The following ZNF423 variants were observed in gnomAD, a reference collection of about 807,000 sequenced individuals.
ZNF423 encodes zinc finger protein 423, also known as Ebf-associated zinc finger protein.
In ZNF423, 12 loss-of-function variants were observed where a neutral mutation model predicts 95.8. That is an observed-to-expected ratio of 0.13 (90% CI 0.08 to 0.20). The LOEUF is 0.20. Among genes scored for constraint, ZNF423 ranks in the 10% least tolerant of loss-of-function variants. The probability of loss-of-function intolerance (pLI) is 1.00; values close to 1 mark genes in which losing one functional copy is unlikely to be tolerated. For synonymous variants in ZNF423, 749 were observed against 711.9 expected, an observed-to-expected ratio of 1.05 and a Z score of -0.83; for missense variants, 1,316 against 1,737.1, an observed-to-expected ratio of 0.76 and a Z score of 4.31.
chr16:49,745,358 A>C (rs1204819786), intron 2 of ZNF423, among the ~76,000 whole-genome samples: 2 of 152,240 alleles, frequency 1.3e-5, no homozygotes, highest in African/African-American at 4.8e-5. Context: ...AAGTAATTAC[A>C]GAAATGCATT....
rs192741359 is a variant in ZNF423, at chr16:49,685,864, C to T, written c.301+44907G>A. Reference sequence around the variant, plus strand: ...CCCCACCTGGTCCCACCCGTACACACGCTCTGCTGGCTCACCACGCTCCCC... The same window carrying T: ...CCCCACCTGGTCCCACCCGTACACATGCTCTGCTGGCTCACCACGCTCCCC... On this transcript the variant is annotated intron_variant, in intron 3 of 7. Coordinates refer to ENST00000563137, the MANE Select transcript of ZNF423 (RefSeq NM_001379286.1). 9.2e-5 allele frequency among the ~76,000 whole-genome samples: 14 copies of T among 152,310 alleles called. No homozygotes were observed. The East Asian group carries it at 2.3e-3, about 25-fold the overall frequency.
intron 1 of ZNF423, among the ~76,000 whole-genome samples, chr16:49,842,735 G>A (rs929181935): frequency 6.6e-6 from 1 of 152,124 alleles, no homozygotes; most frequent in African/African-American, 2.4e-5. Context: ...CAGCACTTTG[G>A]GAGCCCAAGG....
At position 49,835,977 on chromosome 16, in the gene ZNF423, GAGAGGCCC is replaced by G. The variant is rs559238718; in HGVS notation, c.40+19750_40+19757del. Among the ~76,000 whole-genome samples, 12 of 152,306 alleles carry G rather than the reference GAGAGGCCC, an allele frequency of 7.9e-5. No individual in the cohort carries two copies. In the South Asian group the frequency reaches 1.4e-3, roughly 18 times the overall value. On this transcript the variant is annotated intron_variant, in intron 1 of 7. Coordinates refer to ENST00000563137, the MANE Select transcript of ZNF423 (RefSeq NM_001379286.1). Reference sequence around the variant, plus strand: ...AAGGAGCAGTTTGGGTGGAGACAGAGAGAGGCCCAGAGGACAGGGCCCTGTTTTGAATC... The same window carrying G: ...AAGGAGCAGTTTGGGTGGAGACAGAGAGAGGACAGGGCCCTGTTTTGAATC...
chr16:49,566,296 G>C (rs1371776837), intron 5 of ZNF423, among the ~76,000 whole-genome samples: 1 of 152,156 alleles, frequency 6.6e-6, no homozygotes, highest in African/African-American at 2.4e-5. Context: ...CTCCCAACCT[G>C]GCTCACTGGT....
intron 2 of ZNF423, among the ~76,000 whole-genome samples, chr16:49,777,490 C>T (rs2034140901): frequency 6.6e-6 from 1 of 152,194 alleles, no homozygotes; most frequent in African/African-American, 2.4e-5. Flanking sequence ...TTACACATCA[C>T]CACCAAAGAG....
At chr16:49,606,841 C>T (rs1461489034) in intron 5 of ZNF423, among the ~76,000 whole-genome samples, 1 of 152,088 alleles carries the variant, frequency 6.6e-6, no homozygotes, top group Middle Eastern at 3.2e-3. Flanking sequence ...ACAAGGCCTC[C>T]CAAGTCTCCG....
chr16:49,521,265 C>T (rs974073911), intron 7 of ZNF423, among the ~76,000 whole-genome samples: 2 of 152,188 alleles, frequency 1.3e-5, no homozygotes, highest in Non-Finnish European at 2.9e-5. Flanking sequence ...GCGAGCCAGG[C>T]AGGAGCTGAG....
intron 7 of ZNF423, among the ~76,000 whole-genome samples, chr16:49,499,718 T>C (rs2241256): frequency 0.44 from 66,772 of 151,978 alleles, 15,590 homozygotes; most frequent in African/African-American, 0.6. Flanking sequence ...ATCAGTTCCA[T>C]GAGCAGGAAA....
At chr16:49,812,089 G>C (rs76007705) in intron 1 of ZNF423, among the ~76,000 whole-genome samples, 30 of 152,346 alleles carry the variant, frequency 2.0e-4, no homozygotes, top group Non-Finnish European at 3.5e-4. Flanking sequence ...CACACACAGA[G>C]CACTTGTGTC....
intron 2 of ZNF423, among the ~76,000 whole-genome samples, chr16:49,744,393 G>A (rs944223811): frequency 2.0e-5 from 3 of 150,798 alleles, no homozygotes; most frequent in African/African-American, 4.9e-5. Context: ...ATGGCCAGGC[G>A]GGGTGTCCCC....
rs77830641 is a variant in ZNF423, at chr16:49,725,019, C to T, written c.301+5752G>A. 6.2e-4 allele frequency among the ~76,000 whole-genome samples: 95 copies of T among 152,252 alleles called. No individual in the cohort carries two copies. In the East Asian group the frequency reaches 0.013, roughly 21 times the overall value. On this transcript the variant is annotated intron_variant, in intron 3 of 7. Transcript: ENST00000563137. ...GTTCTCAAGCACAGGCAAGCTGTTC[C>T]GACCTCAGAGCTTGCCTTTACTGAC...
chr16:49,835,062 C>G (rs2035103119), intron 1 of ZNF423, among the ~76,000 whole-genome samples: 1 of 152,042 alleles, frequency 6.6e-6, no homozygotes, highest in Non-Finnish European at 1.5e-5. Context: ...CGGATTAACA[C>G]CAGGGTGGCT....
At chr16:49,679,255 T>C (rs1170727106) in intron 3 of ZNF423, among the ~76,000 whole-genome samples, 1 of 152,216 alleles carries the variant, frequency 6.6e-6, no homozygotes. Context: ...TGGGGAGGCA[T>C]GGCCAGGGCT....
intron 3 of ZNF423, among the ~76,000 whole-genome samples, chr16:49,719,203 G>A (rs563661042): frequency 6.6e-6 from 1 of 152,296 alleles, no homozygotes; most frequent in South Asian, 2.1e-4. Flanking sequence ...CCGCCCAGGG[G>A]TGAGACAGAG....
chr16:49,622,366 C>G (rs969138398), intron 5 of ZNF423, among the ~76,000 whole-genome samples: 2 of 151,668 alleles, frequency 1.3e-5, no homozygotes, highest in Non-Finnish European at 2.9e-5. Flanking sequence ...ATTCTCACTC[C>G]CCACAATGCC....
At chr16:49,818,415 C>G (rs1411255046) in intron 1 of ZNF423, among the ~76,000 whole-genome samples, 3 of 152,036 alleles carry the variant, frequency 2.0e-5, no homozygotes, top group African/African-American at 7.2e-5. Flanking sequence ...AAAAATTAAC[C>G]AAAAGTAAAT....
At chr16:49,623,759 G>A (rs1457975697) in intron 5 of ZNF423, among the ~76,000 whole-genome samples, 1 of 152,164 alleles carries the variant, frequency 6.6e-6, no homozygotes, top group Non-Finnish European at 1.5e-5. Context: ...TCTCCGCCAG[G>A]TGAGCCCCAC....
chr16:49,609,907 C>T (rs1174371684), intron 5 of ZNF423, among the ~76,000 whole-genome samples: 1 of 151,970 alleles, frequency 6.6e-6, no homozygotes, highest in Non-Finnish European at 1.5e-5. Flanking sequence ...CTGAAAACTC[C>T]AGGACAGGAA....
chr16:49,512,785 TACA>T (rs1354120814), intron 7 of ZNF423, among the ~76,000 whole-genome samples: 1 of 152,140 alleles, frequency 6.6e-6, no homozygotes, highest in East Asian at 1.9e-4. Context: ...CCCAGAGAAA[TACA>T]ACATCTGCAG....
Sources: gnomAD v4.1 joint callset for allele counts (sites outside exome capture counted in the v4.1 genomes callset) on GRCh38, gnomAD v4.1.1 for gene constraint, MANE v1.5 for transcripts, NCBI Gene and HGNC (gene_info 2026-07-23, HGNC 2026-07-21) for gene names.